Variants in PIP4K2A observed in about 807,000 individuals in gnomAD.
The protein encoded by PIP4K2A is phosphatidylinositol 5-phosphate 4-kinase type-2 alpha.
In PIP4K2A, 14 loss-of-function variants were observed where a neutral mutation model predicts 42.9. The ratio of observed to expected loss-of-function variants is 0.33; its 90% CI spans 0.22 to 0.51. PIP4K2A has a LOEUF of 0.51. PIP4K2A is among the 20% of genes least tolerant of loss of function. The probability of loss-of-function intolerance (pLI) is 0.97; values close to 1 mark genes in which losing one functional copy is unlikely to be tolerated. For synonymous variants in PIP4K2A, 192 were observed against 192.2 expected (o/e 1.00, Z 0.01); for missense variants, 434 against 519.8 (o/e 0.83, Z 1.61).
At chr10:22,539,905 GAGAGAGGGAGAGAGAGAGA>G in intron 9 of PIP4K2A, 47 bp downstream of exon 9, 2 of 222,520 alleles carry the variant, frequency 9.0e-6, no homozygotes, top group South Asian at 7.3e-5. Context: ...GAGAGAGAGA[GAGAGAGGGAGAGAGAGAGA>G]GAGAGAGGGA....
intron 1 of PIP4K2A, among the ~76,000 whole-genome samples, chr10:22,636,568 C>G (rs1039333310): frequency 6.6e-6 from 1 of 152,190 alleles, no homozygotes; most frequent in Admixed American, 6.5e-5. Context: ...ACAGTCAAAA[C>G]TTATTATGCA....
rs370294573 is a variant in PIP4K2A at position 22,650,435 on chromosome 10, T to C, written c.145-40718A>G. On this transcript the variant is annotated intron_variant, in intron 1 of 9. Coordinates refer to ENST00000376573, the MANE Select transcript of PIP4K2A (RefSeq NM_005028.5). ...TACACCCAGCTAATTTTTGTAGAGA[T>C]GGGGTTTTGCCATGTTGCCCAGGCT... Among the ~76,000 whole-genome samples, 63 of 152,230 alleles carry C rather than the reference T, an allele frequency of 4.1e-4. 1 individual carries two copies. In the South Asian group the frequency reaches 0.013, roughly 32 times the overall value.
At chr10:22,689,959 C>T (rs145664796) in intron 1 of PIP4K2A, among the ~76,000 whole-genome samples, 283 of 152,230 alleles carry the variant, frequency 1.9e-3, no homozygotes, top group African/African-American at 6.4e-3. Context: ...AATGTACTTA[C>T]TCTTTTCAAA....
chr10:22,660,450 G>A (rs915049575), intron 1 of PIP4K2A, among the ~76,000 whole-genome samples: 5 of 152,074 alleles, frequency 3.3e-5, no homozygotes, highest in South Asian at 2.1e-4. Flanking sequence ...CAGCCTGGGC[G>A]ACAGAGTGAG....
In PIP4K2A at chr10:22,534,882, T is replaced by C. The variant is rs1346827266; in HGVS notation, c.*2319A>G. On this transcript the variant is annotated 3_prime_UTR_variant, in exon 10 of 10. Transcript: ENST00000376573. ...AATTCCACTTTCATTTCTTCAAGGATTAGCTAAAGACACTGTCAGGACCGA... is the reference window on the plus strand; with the variant it reads ...AATTCCACTTTCATTTCTTCAAGGACTAGCTAAAGACACTGTCAGGACCGA... 6.6e-6 allele frequency: 1 copy of C among 152,150 alleles called. No homozygotes were observed. Among genetic ancestry groups the C allele is most frequent in the Non-Finnish European group, 1.5e-5 (1 of 68,030 alleles). The allele number at this position is 152,150 out of a possible 1,614,324, so 9.4% of individuals were successfully genotyped here.
At chr10:22,614,694 A>G (rs1427314822) in intron 1 of PIP4K2A, among the ~76,000 whole-genome samples, 1 of 152,218 alleles carries the variant, frequency 6.6e-6, no homozygotes, top group East Asian at 1.9e-4. Context: ...TGTGTTGTAT[A>G]TGAGGCTTAG....
At chr10:22,597,450 T>A (rs967405886) in intron 3 of PIP4K2A, among the ~76,000 whole-genome samples, 1 of 152,188 alleles carries the variant, frequency 6.6e-6, no homozygotes, top group Admixed American at 6.5e-5. Flanking sequence ...GTCTGAGAAT[T>A]GTCGGAGGTT....
chr10:22,655,925 C>T (rs1171495), intron 1 of PIP4K2A, among the ~76,000 whole-genome samples: 4,230 of 152,126 alleles, frequency 0.028, 78 homozygotes, highest in Non-Finnish European at 0.039. Context: ...ACTGGAGGGG[C>T]ACAAAGCGCT....
chr10:22,577,656 T>C (rs1837155636), intron 4 of PIP4K2A, among the ~76,000 whole-genome samples: 1 of 152,160 alleles, frequency 6.6e-6, no homozygotes. Context: ...GCAAAGACAC[T>C]CAGTGCTTGC....
intron 1 of PIP4K2A, among the ~76,000 whole-genome samples, chr10:22,612,519 G>C (rs1014754946): frequency 6.6e-6 from 1 of 152,178 alleles, no homozygotes; most frequent in Non-Finnish European, 1.5e-5. Context: ...TGAAAGGGAT[G>C]AACAACAGGC....
At chr10:22,617,944 G>A (rs967109616) in intron 1 of PIP4K2A, among the ~76,000 whole-genome samples, 2 of 152,102 alleles carry the variant, frequency 1.3e-5, no homozygotes, top group Admixed American at 6.5e-5. Flanking sequence ...TAACCAGAGC[G>A]AGCTAAGCAC....
At chr10:22,630,063 G>GC (rs1197579728) in intron 1 of PIP4K2A, among the ~76,000 whole-genome samples, 2 of 152,012 alleles carry the variant, frequency 1.3e-5, no homozygotes, top group African/African-American at 2.4e-5. Context: ...AAGGCCAGGC[G>GC]CAGTAGCTCA....
chr10:22,562,757 A>G (rs1393012158), intron 6 of PIP4K2A, among the ~76,000 whole-genome samples: 1 of 152,094 alleles, frequency 6.6e-6, no homozygotes, highest in Non-Finnish European at 1.5e-5. Flanking sequence ...GACCTCACCC[A>G]CTTCCCTGTC....
chr10:22,579,236 G>A (rs1015633526), intron 4 of PIP4K2A, among the ~76,000 whole-genome samples: 13 of 152,260 alleles, frequency 8.5e-5, no homozygotes, highest in African/African-American at 3.1e-4. Flanking sequence ...ATTACCGCAC[G>A]TGTAAACTGT....
Position 22,591,758 on chromosome 10 carries a change from G to A in PIP4K2A, c.363C>T (p.Pro121=), listed in dbSNP as rs1564434017. Residue 121 remains proline, a synonymous_variant, in exon 4 of 10, where the codon CCC becomes CCT. Coordinates refer to ENST00000376573, the MANE Select transcript of PIP4K2A (RefSeq NM_005028.5). ...DFQNSLTRSA[P]LPNDSQARSG... ...TGCGGGCCTGGGAGTCGTTGGGGAG[G>A]GGTGCGCTCCTGGTCAGGGAATTCT... 2 of 1,612,784 alleles carry A rather than the reference G, an allele frequency of 1.2e-6. No homozygotes were observed. Among genetic ancestry groups the A allele is most frequent in the Non-Finnish European group, 1.7e-6 (2 of 1,179,274 alleles).
intron 3 of PIP4K2A, among the ~76,000 whole-genome samples, chr10:22,604,157 A>G (rs1837855172): frequency 6.6e-6 from 1 of 152,254 alleles, no homozygotes; most frequent in South Asian, 2.1e-4. Context: ...AAGATATTCC[A>G]GAAATCAAAA....
chr10:22,562,166 G>C (rs959885427), intron 6 of PIP4K2A, among the ~76,000 whole-genome samples: 5 of 152,156 alleles, frequency 3.3e-5, no homozygotes. Context: ...AATCCTAACT[G>C]ATCATGGAAA....
intron 1 of PIP4K2A, among the ~76,000 whole-genome samples, chr10:22,627,358 C>T (rs1838460806): frequency 6.6e-6 from 1 of 151,914 alleles, no homozygotes; most frequent in African/African-American, 2.4e-5. Flanking sequence ...CCCACCAAAC[C>T]ACCCAGCATC....
At position 22,633,934 on chromosome 10, in the gene PIP4K2A, C is replaced by T. The variant is rs1439391099; in HGVS notation, c.145-24217G>A. 2.0e-5 allele frequency among the ~76,000 whole-genome samples: 3 copies of T among 152,208 alleles called. No homozygotes were observed. In the East Asian group the frequency reaches 5.8e-4, roughly 29 times the overall value. On this transcript the variant is annotated intron_variant, in intron 1 of 9. Coordinates refer to ENST00000376573, the MANE Select transcript of PIP4K2A (RefSeq NM_005028.5). ...AGCTGCTGTGAGGAAAAACGGAGTC[C>T]ACAACAGTGCCTGGCTCAGGCACTT...
Sources: allele counts gnomAD v4.1 joint callset (sites outside exome capture counted in the v4.1 genomes callset), GRCh38; gene constraint gnomAD v4.1.1; transcripts MANE v1.5; gene names NCBI Gene and HGNC (gene_info 2026-07-23, HGNC 2026-07-21).